The following DAB1 variants were observed in gnomAD, a reference collection of about 807,000 sequenced individuals.
DAB1 encodes the protein disabled homolog 1.
A neutral mutation model predicts 64.6 loss-of-function variants in DAB1; 15 were observed. The observed-to-expected ratio is 0.23, with a 90% confidence interval of 0.16 to 0.36. The LOEUF is 0.36. Among genes scored for constraint, DAB1 ranks in the 10% least tolerant of loss-of-function variants. The pLI is 1.00. For synonymous variants in DAB1, 235 were observed against 251.9 expected (o/e 0.93, Z 0.64); for missense variants, 596 against 706.7 (o/e 0.84, Z 1.78).
chr1:57,233,808 G>A (rs182086808), intron 2 of DAB1, among the ~76,000 whole-genome samples: 1 of 152,140 alleles, frequency 6.6e-6, no homozygotes, highest in Non-Finnish European at 1.5e-5. Context: ...GAGTGGTACG[G>A]CTTCCTCTGC....
chr1:57,598,142 C>T (rs972256398), intron 7 of DAB1, among the ~76,000 whole-genome samples: 4 of 152,186 alleles, frequency 2.6e-5, no homozygotes, highest in Non-Finnish European at 5.9e-5. Flanking sequence ...GCCACCACGC[C>T]TGGCTAATTT....
At position 57,448,785 on chromosome 1, in the gene DAB1, C is replaced by T. The variant is rs1448646734; in HGVS notation, n.626-157619G>A. On this transcript the variant is annotated intron_variant and non_coding_transcript_variant, in intron 7 of 20. Transcript: ENST00000485760. ...AGCAATTCTGACACACACACACACA[C>T]ACACACACACAGATGCACACACAAA... 2.6e-5 allele frequency among the ~76,000 whole-genome samples: 4 copies of T among 152,050 alleles called. No individual in the cohort carries two copies. The East Asian group carries it at 7.7e-4, about 29-fold the overall frequency.
chr1:58,527,173 T>C (rs1168679080), intron 2 of DAB1: 9 of 784,226 alleles, frequency 1.1e-5, no homozygotes, highest in East Asian at 2.4e-5. Context: ...TCTCATTCTC[T>C]GCTTATGCCA....
intron 3 of DAB1, among the ~76,000 whole-genome samples, chr1:58,495,689 G>A (rs183757174): frequency 4.7e-5 from 7 of 149,710 alleles, no homozygotes; most frequent in African/African-American, 1.2e-4. Context: ...ATTTGCTAAG[G>A]ATCTTCCACC....
intron 3 of DAB1, among the ~76,000 whole-genome samples, chr1:58,372,881 C>G (rs1458588047): frequency 6.6e-6 from 1 of 152,142 alleles, no homozygotes; most frequent in African/African-American, 2.4e-5. Context: ...CTCCCCACCC[C>G]TGTAGAACTG....
At chr1:57,970,049 C>G (rs1431585084) in intron 5 of DAB1, among the ~76,000 whole-genome samples, 2 of 152,154 alleles carry the variant, frequency 1.3e-5, no homozygotes, top group Non-Finnish European at 2.9e-5. Flanking sequence ...CTCACCTCTT[C>G]TACCATGTGA....
At chr1:57,082,721 C>A (rs557653944) in intron 4 of DAB1, among the ~76,000 whole-genome samples, 1 of 152,176 alleles carries the variant, frequency 6.6e-6, no homozygotes, top group East Asian at 1.9e-4. Context: ...TTGTTCCCCT[C>A]CCTGTGTCCA....
intron 6 of DAB1, among the ~76,000 whole-genome samples, chr1:57,680,900 G>T (rs1646629306): frequency 6.6e-6 from 1 of 152,146 alleles, no homozygotes; most frequent in South Asian, 2.1e-4. Flanking sequence ...CTATTGTTGT[G>T]GTTTCAAAGT....
intron 4 of DAB1, among the ~76,000 whole-genome samples, chr1:58,156,363 T>TA (rs1373936752): frequency 6.6e-6 from 1 of 152,200 alleles, no homozygotes; most frequent in East Asian, 1.9e-4. Context: ...CTGTGTATCT[T>TA]AGCGCTTCCC....
intron 7 of DAB1, among the ~76,000 whole-genome samples, chr1:57,431,261 A>G (rs188087950): frequency 6.6e-6 from 1 of 151,946 alleles, no homozygotes; most frequent in Admixed American, 6.5e-5. Context: ...AACAAATTAC[A>G]AAATGTCTTA....
At chr1:57,101,695 C>G (rs1276114285) in intron 4 of DAB1, among the ~76,000 whole-genome samples, 1 of 152,196 alleles carries the variant, frequency 6.6e-6, no homozygotes, top group Non-Finnish European at 1.5e-5. Flanking sequence ...GATTGGTCTT[C>G]TACTCTACAC....
At chr1:57,485,714 AG>A (rs1258473322) in intron 7 of DAB1, among the ~76,000 whole-genome samples, 1 of 152,180 alleles carries the variant, frequency 6.6e-6, no homozygotes, top group Non-Finnish European at 1.5e-5. Flanking sequence ...CTTCAAACCC[AG>A]TGAGTGTCGG....
chr1:57,801,236 T>C (rs1651109940), intron 6 of DAB1, among the ~76,000 whole-genome samples: 1 of 152,228 alleles, frequency 6.6e-6, no homozygotes, highest in Non-Finnish European at 1.5e-5. Context: ...CTGGCTCTAA[T>C]ATGGATTTAT....
chr1:58,178,891 C>A (rs74075943), intron 4 of DAB1, among the ~76,000 whole-genome samples: 3 of 152,082 alleles, frequency 2.0e-5, no homozygotes, highest in Non-Finnish European at 4.4e-5. Flanking sequence ...TATTTTGTTC[C>A]TGATCTGAAG....
intron 4 of DAB1, among the ~76,000 whole-genome samples, chr1:57,115,019 G>T (rs1655986606): frequency 6.6e-6 from 1 of 152,064 alleles, no homozygotes; most frequent in South Asian, 2.1e-4. Flanking sequence ...AGTGTGCAGT[G>T]CATGGCCAAC....
chr1:57,263,361 C>T (rs1037480772), intron 2 of DAB1, among the ~76,000 whole-genome samples: 1 of 152,054 alleles, frequency 6.6e-6, no homozygotes, highest in Non-Finnish European at 1.5e-5. Flanking sequence ...CTCAGGTGAT[C>T]TGCCCACTTT....
intron 5 of DAB1, among the ~76,000 whole-genome samples, chr1:57,905,090 A>G (rs768260908): frequency 6.6e-6 from 1 of 152,094 alleles, no homozygotes; most frequent in East Asian, 1.9e-4. Flanking sequence ...ATAACCATAC[A>G]AAATAGGTAC....
At chr1:58,493,460 A>C (rs1645736052) in intron 3 of DAB1, among the ~76,000 whole-genome samples, 1 of 151,770 alleles carries the variant, frequency 6.6e-6, no homozygotes, top group South Asian at 2.1e-4. Context: ...TCAATTAGGA[A>C]AAGAGCAAGT....
At chr1:57,780,472 T>C (rs937316710) in intron 6 of DAB1, among the ~76,000 whole-genome samples, 17 of 152,142 alleles carry the variant, frequency 1.1e-4, no homozygotes, top group African/African-American at 3.9e-4. Context: ...ACAATTGATA[T>C]ATACAGATTT....
Sources: allele counts gnomAD v4.1 joint callset (sites outside exome capture counted in the v4.1 genomes callset), GRCh38; gene constraint gnomAD v4.1.1; transcripts MANE v1.5; gene names NCBI Gene and HGNC (gene_info 2026-07-23, HGNC 2026-07-21).